Variants in SGCG observed in about 807,000 individuals in gnomAD.
SGCG encodes gamma-sarcoglycan.
SGCG carries 26 observed loss-of-function variants against 29.3 expected under a neutral mutation model. That is an observed-to-expected ratio of 0.89 (90% confidence interval 0.65 to 1.23). SGCG has a LOEUF of 1.23. Among genes scored for constraint, SGCG ranks in the 50% most tolerant of loss-of-function variants. SGCG has a pLI of 0.00. For synonymous variants in SGCG, 145 were observed against 129.7 expected (o/e 1.12, Z -0.80); for missense variants, 353 against 356.0 (o/e 0.99, Z 0.07).
intron 2 of SGCG, among the ~76,000 whole-genome samples, chr13:23,212,777 G>A (rs1458303109): frequency 6.6e-6 from 1 of 152,110 alleles, no homozygotes; most frequent in Non-Finnish European, 1.5e-5. Flanking sequence ...GATTGGGTCT[G>A]GGGAGGGGCT....
chr13:23,162,851 A>T, the SGCG span, among the ~76,000 whole-genome samples: 5 of 151,902 alleles, frequency 3.3e-5, no homozygotes, highest in African/African-American at 1.2e-4. Context: ...AATAAATAAT[A>T]AATAAATAAA....
At chr13:23,223,307 A>G (rs982573143) in intron 2 of SGCG, among the ~76,000 whole-genome samples, 4 of 150,588 alleles carry the variant, frequency 2.7e-5, no homozygotes, top group Non-Finnish European at 5.9e-5. Flanking sequence ...AAGAGTACAA[A>G]TAGAGGCCCA....
intron 3 of SGCG, among the ~76,000 whole-genome samples, chr13:23,240,152 AT>A (rs1256681363): frequency 2.6e-5 from 4 of 152,216 alleles, no homozygotes; most frequent in African/African-American, 9.6e-5. Context: ...ACTAACACTA[AT>A]TAAAAGAAAA....
chr13:23,246,435 C>T (rs908099686), intron 3 of SGCG: 2 of 152,228 alleles, frequency 1.3e-5, no homozygotes, highest in Non-Finnish European at 2.9e-5. Flanking sequence ...TCAAAGGCAC[C>T]TTTACCAAAT....
intron 4 of SGCG, among the ~76,000 whole-genome samples, chr13:23,260,319 G>A (rs1252815450): frequency 6.6e-6 from 1 of 151,996 alleles, no homozygotes; most frequent in African/African-American, 2.4e-5. Flanking sequence ...TGTCTCTTTT[G>A]ATCTTTGTTG....
chr13:23,236,535 G>A (rs187598205), intron 3 of SGCG, among the ~76,000 whole-genome samples: 1,524 of 151,958 alleles, frequency 0.01, 90 homozygotes, highest in Admixed American at 0.089. Context: ...AAAATCAGCC[G>A]GGCGTGGTGG....
intron 3 of SGCG, among the ~76,000 whole-genome samples, chr13:23,241,805 A>C (rs948259208): frequency 2.0e-5 from 3 of 152,218 alleles, no homozygotes; most frequent in African/African-American, 7.2e-5. Context: ...AACACCATAC[A>C]TCACATCAAT....
Position 23,320,756 on chromosome 13 carries a change from G to C in SGCG, c.698G>C (p.Gly233Ala). Residue 233 changes from glycine to alanine, a missense_variant, in exon 7 of 8, where the codon GGA becomes GCA. Coordinates refer to ENST00000218867, the MANE Select transcript of SGCG (RefSeq NM_000231.3). ...GATATTCTTTTTCATAGTAGTGATG[G>C]AATGGTGAGTTCATTCACAGATCAG... ...QMDILFHSSD[G>A]MLVLDAETVC... The C allele has an allele frequency of 6.2e-7, 1 of 1,613,478 alleles. No individual in the cohort carries two copies. The highest frequency in any genetic ancestry group is 8.5e-7 in the Non-Finnish European group (1 of 1,179,652).
At chr13:23,288,130 G>A (rs570191784) in intron 5 of SGCG, among the ~76,000 whole-genome samples, 1 of 152,310 alleles carries the variant, frequency 6.6e-6, no homozygotes, top group South Asian at 2.1e-4. Context: ...TGTGATAACA[G>A]TTGGGTCCCT....
the SGCG span, chr13:23,169,938 T>C: frequency 6.6e-6 from 1 of 152,202 alleles, no homozygotes; most frequent in Non-Finnish European, 1.5e-5. Flanking sequence ...GCCATCAGTT[T>C]TTCTCTGTCC....
At chr13:23,167,741 T>A in the SGCG span, among the ~76,000 whole-genome samples, 1 of 152,114 alleles carries the variant, frequency 6.6e-6, no homozygotes, top group Non-Finnish European at 1.5e-5. Flanking sequence ...CTTTTTTTTT[T>A]TTCTTTTTGA....
At chr13:23,306,822 A>T (rs1882378302) in intron 6 of SGCG, among the ~76,000 whole-genome samples, 1 of 152,242 alleles carries the variant, frequency 6.6e-6, no homozygotes, top group Admixed American at 6.5e-5. Context: ...AACAACTGGA[A>T]ACAGTTTCAG....
intron 1 of SGCG, among the ~76,000 whole-genome samples, chr13:23,201,303 T>A (rs61274763): frequency 0.088 from 13,454 of 152,142 alleles, 712 homozygotes; most frequent in Middle Eastern, 0.16. Flanking sequence ...GTAGACAGAA[T>A]AATGGCCCCC....
At chr13:23,303,170 T>C (rs989519296) in intron 6 of SGCG, among the ~76,000 whole-genome samples, 1 of 136,558 alleles carries the variant, frequency 7.3e-6, no homozygotes, top group Non-Finnish European at 1.6e-5. Context: ...TCATAATCGA[T>C]TCAGAATCAA....
intron 5 of SGCG, among the ~76,000 whole-genome samples, chr13:23,294,016 A>C (rs780267189): frequency 6.6e-6 from 1 of 152,174 alleles, no homozygotes; most frequent in Non-Finnish European, 1.5e-5. Flanking sequence ...AAGCTCCTCA[A>C]CTTGCAATGG....
intron 6 of SGCG, among the ~76,000 whole-genome samples, chr13:23,297,751 C>T (rs1881962983): frequency 6.6e-6 from 1 of 152,032 alleles, no homozygotes; most frequent in South Asian, 2.1e-4. Flanking sequence ...CAGTTTAAGG[C>T]CAGATTTTGG....
At chr13:23,232,997 A>C (rs1879167138) in intron 2 of SGCG, among the ~76,000 whole-genome samples, 1 of 152,216 alleles carries the variant, frequency 6.6e-6, no homozygotes, top group African/African-American at 2.4e-5. Flanking sequence ...TACCATGGTA[A>C]ACAGTATGGC....
chr13:23,224,665 TAC>T (rs60671278), intron 2 of SGCG, among the ~76,000 whole-genome samples: 3 of 142,098 alleles, frequency 2.1e-5, no homozygotes, highest in Non-Finnish European at 3.1e-5. Context: ...AGGGCACACA[TAC>T]ACACACACAC....
chr13:23,164,944 C>T, the SGCG span, among the ~76,000 whole-genome samples: 1 of 152,146 alleles, frequency 6.6e-6, no homozygotes, highest in African/African-American at 2.4e-5. Context: ...ACACCCTTTC[C>T]CTTCCCATTT....
Sources: allele counts gnomAD v4.1 joint callset (sites outside exome capture counted in the v4.1 genomes callset), GRCh38; gene constraint gnomAD v4.1.1; transcripts MANE v1.5; gene names NCBI Gene and HGNC (gene_info 2026-07-23, HGNC 2026-07-21).